Variants in CLASP2 observed in about 807,000 individuals in gnomAD.
CLASP2 encodes the protein cytoplasmic linker associated protein 2, also known as CLIP-associating protein 2.
Under a neutral mutation model 194.4 loss-of-function variants are expected in CLASP2, and 47 were observed. The observed-to-expected ratio is 0.24, with a 90% CI of 0.19 to 0.31. The LOEUF (loss-of-function observed/expected upper bound fraction) is 0.31, where lower values mean the gene tolerates loss of function less well. Among genes scored for constraint, CLASP2 ranks in the 10% least tolerant of loss-of-function variants. The pLI is 1.00. For synonymous variants in CLASP2, 619 were observed against 633.5 expected (o/e 0.98, Z 0.34); for missense variants, 1,445 against 1,823.6 (o/e 0.79, Z 3.78).
chr3:33,581,528 TTTAC>T (rs2154210678), intron 23 of CLASP2, among the ~76,000 whole-genome samples: 1 of 152,356 alleles, frequency 6.6e-6, no homozygotes, highest in African/African-American at 2.4e-5. Flanking sequence ...AATTTGCAGG[TTTAC>T]TTGTTAAGAA....
chr3:33,580,637 G>T (rs1228859894), intron 23 of CLASP2, among the ~76,000 whole-genome samples: 2 of 152,046 alleles, frequency 1.3e-5, no homozygotes, highest in Non-Finnish European at 2.9e-5. Context: ...AATTCCACTG[G>T]ATAAGTAGAA....
chr3:33,576,297 A>C (rs767374142), intron 23 of CLASP2, 22 bp from the exon 24 acceptor site: 1 of 1,583,534 alleles, frequency 6.3e-7, no homozygotes, highest in Non-Finnish European at 8.7e-7. Context: ...AAAGAAGGAA[A>C]ATAGATTTGA....
chr3:33,594,956 T>C lies in CLASP2; in HGVS notation c.1961A>G (p.Glu654Gly). Residue 654 changes from glutamate (E) to glycine (G), a missense_variant, in exon 20 of 39, where the codon GAA (glutamate) becomes GGA (glycine). Physicochemically the swap from Glu to Gly is moderately conservative, Grantham distance 98. Coordinates refer to ENST00000682230, the MANE Select transcript of CLASP2 (RefSeq NM_001365631.1). ...TSDKLDGTAS[E>G]DGRVRAKLSA... is the part of the protein sequence containing the mutation. ...ACAAAATGTATAGTTCTTACCATCTTCAGATGCTGTTCCTAAATAAGAAAA... is the reference window on the plus strand; with the variant it reads ...ACAAAATGTATAGTTCTTACCATCTCCAGATGCTGTTCCTAAATAAGAAAA... 1 of 1,425,916 alleles carries C rather than the reference T, an allele frequency of 7.0e-7. No individual in the cohort carries two copies. The highest frequency in any genetic ancestry group is 9.4e-7 in the Non-Finnish European group (1 of 1,066,786). 88.3% of individuals were successfully genotyped at this position (1,425,916 alleles called of 1,614,324 possible).
intron 9 of CLASP2, among the ~76,000 whole-genome samples, chr3:33,628,941 C>T (rs2078552466): frequency 6.6e-6 from 1 of 151,888 alleles, no homozygotes; most frequent in Non-Finnish European, 1.5e-5. Flanking sequence ...CATCATATCA[C>T]AAGCACCTAA....
At chr3:33,544,897 G>A (rs1450295944) in intron 30 of CLASP2, 56 bp from the exon 31 acceptor site, 6 of 1,315,070 alleles carry the variant, frequency 4.6e-6, no homozygotes, top group African/African-American at 4.5e-5. Context: ...AAACAAGACC[G>A]TTTTCTTCCC....
rs938773650 is a variant in CLASP2 at position 33,560,815 on chromosome 3, C to T, written c.2923G>A (p.Val975Ile). 1.2e-6 allele frequency: 2 copies of T among 1,612,948 alleles called. No homozygotes were observed. The highest frequency in any genetic ancestry group is 1.7e-6 in the Non-Finnish European group (2 of 1,179,502). The stretch of plus-strand genomic sequence containing the variant: ...ATATGAAAAAAATATTACCTTGTAA[C>T]ATCAAGGGCTTTCTGAACTTTTGCC... ...VQAKVQKALD[V>I]TRESFPNDLQ... The change falls in exon 28 of 39, where the codon GTT (valine) becomes ATT (isoleucine). Residue 975 changes from valine (V) to isoleucine (I), a missense_variant. Physicochemically the swap from Val to Ile is conservative, Grantham distance 29. This residue lies in a region of CLASP2 where 732 missense variants were observed against 987.9 expected (regional missense o/e 0.74). Coordinates refer to ENST00000682230, the MANE Select transcript of CLASP2 (RefSeq NM_001365631.1).
At chr3:33,686,300 C>G (rs1233430726) in intron 5 of CLASP2, among the ~76,000 whole-genome samples, 1 of 152,116 alleles carries the variant, frequency 6.6e-6, no homozygotes, top group African/African-American at 2.4e-5. Context: ...CAGGGATCCC[C>G]AAGCCCCAGG....
At chr3:33,565,151 T>C (rs2062467499) in intron 27 of CLASP2, among the ~76,000 whole-genome samples, 1 of 152,066 alleles carries the variant, frequency 6.6e-6, no homozygotes, top group African/African-American at 2.4e-5. Flanking sequence ...AGTAAGTAAA[T>C]ATATTTTCTC....
intron 12 of CLASP2, among the ~76,000 whole-genome samples, chr3:33,613,396 G>C (rs1156437676): frequency 1.3e-5 from 2 of 152,142 alleles, no homozygotes; most frequent in East Asian, 3.9e-4. Context: ...TACTGGGAAG[G>C]GGCAACACCT....
At chr3:33,607,496 T>A in intron 14 of CLASP2, 35 bp from the exon 15 acceptor site, 1 of 1,451,296 alleles carries the variant, frequency 6.9e-7, no homozygotes, top group Non-Finnish European at 9.5e-7. Flanking sequence ...AGTTATGATA[T>A]AGCTGTATGT....
intron 6 of CLASP2, among the ~76,000 whole-genome samples, chr3:33,671,584 GT>G (rs1038034705): frequency 5.9e-5 from 9 of 152,208 alleles, no homozygotes; most frequent in Admixed American, 2.6e-4. Flanking sequence ...GTGCCAGACA[GT>G]GGGCGCAGGT....
In CLASP2 at chr3:33,688,333, G is replaced by A. The variant is rs552954218; in HGVS notation, c.414C>T (p.His138=). 1.3e-6 allele frequency: 2 copies of A among 1,592,828 alleles called. No homozygotes were observed. Among genetic ancestry groups the A allele is most frequent in the Non-Finnish European group, 1.7e-6 (2 of 1,168,706 alleles). Residue 138 remains histidine, a synonymous_variant, in exon 4 of 39, where the codon CAC becomes CAT. Transcript: ENST00000682230. ...IWEQLASGFK[H]KNFRSREGVC... ...CGCCTTCTCGAGATCGAAAATTCTTGTGTTTAAAACCAGAAGCCAACTGCT... is the reference window on the plus strand; with the variant it reads ...CGCCTTCTCGAGATCGAAAATTCTTATGTTTAAAACCAGAAGCCAACTGCT...
Position 33,644,881 on chromosome 3 carries a change from T to G in CLASP2, c.738A>C (p.Glu246Asp), listed in dbSNP as rs1465420591. The G allele has an allele frequency of 5.6e-6, 9 of 1,602,672 alleles. No homozygotes were observed. The highest frequency in any genetic ancestry group is 1.7e-5 in the Admixed American group (1 of 58,384). Residue 246 changes from glutamate (E) to aspartate (D), a missense_variant, in exon 8 of 39, where the codon GAA becomes GAC. Glu to Asp is a conservative substitution (Grantham distance 45, BLOSUM62 2). Around this residue, in one of 4 missense-constraint regions of CLASP2, gnomAD observed 332 missense variants for 325.3 expected, o/e 1.02. Coordinates refer to ENST00000682230, the MANE Select transcript of CLASP2 (RefSeq NM_001365631.1). ...VCKDKSFDDE[E>D]SVDGNRPSSA... Reference sequence around the variant, plus strand: ...ATGATGGCCTATTTCCATCCACTGATTCTTCATCATCGAAGCTTTTATCTG... The same window carrying G: ...ATGATGGCCTATTTCCATCCACTGAGTCTTCATCATCGAAGCTTTTATCTG...
intron 8 of CLASP2, among the ~76,000 whole-genome samples, chr3:33,636,747 C>T (rs2080219008): frequency 1.3e-5 from 2 of 152,238 alleles, no homozygotes; most frequent in African/African-American, 2.4e-5. Context: ...ACTATAGGCA[C>T]GTGCCACCAC....
At chr3:33,640,420 T>A (rs1420546787) in intron 8 of CLASP2, among the ~76,000 whole-genome samples, 1 of 152,158 alleles carries the variant, frequency 6.6e-6, no homozygotes, top group Non-Finnish European at 1.5e-5. Context: ...TACTACTAAA[T>A]GTAAAATGGC....
At chr3:33,602,819 A>G (rs2072646412) in intron 18 of CLASP2, 133 bp downstream of exon 18, 1 of 961,034 alleles carries the variant, frequency 1.0e-6, no homozygotes, top group African/African-American at 1.6e-5. Flanking sequence ...TGTCCGCAAT[A>G]TAGAATTATA....
At chr3:33,694,627 G>T (rs2091685130) in intron 2 of CLASP2, among the ~76,000 whole-genome samples, 1 of 152,112 alleles carries the variant, frequency 6.6e-6, no homozygotes, top group Admixed American at 6.6e-5. Flanking sequence ...GGTGGAGGAG[G>T]TTTTACGAAT....
At chr3:33,670,464 T>A (rs545646040) in intron 6 of CLASP2, among the ~76,000 whole-genome samples, 4 of 152,338 alleles carry the variant, frequency 2.6e-5, no homozygotes, top group Middle Eastern at 3.4e-3. Flanking sequence ...TTCCTGCCTC[T>A]GATTTCCATA....
chr3:33,572,429 C>T (rs894380865), intron 25 of CLASP2, among the ~76,000 whole-genome samples: 2 of 152,160 alleles, frequency 1.3e-5, no homozygotes, highest in Non-Finnish European at 2.9e-5. Flanking sequence ...ACATCAAACT[C>T]TTATTTCACA....
Sources: allele counts gnomAD v4.1 joint callset (sites outside exome capture counted in the v4.1 genomes callset), GRCh38; gene constraint gnomAD v4.1.1; regional missense constraint gnomAD v4.1.1; transcripts MANE v1.5; gene names NCBI Gene and HGNC (gene_info 2026-07-23, HGNC 2026-07-21).